Variants in SOX6 observed in about 807,000 individuals in gnomAD.
SOX6 encodes the protein transcription factor SOX-6.
A neutral mutation model predicts 97.8 loss-of-function variants in SOX6; 11 were observed. The observed-to-expected ratio is 0.11, with a 90% CI of 0.07 to 0.19. The LOEUF (loss-of-function observed/expected upper bound fraction) is 0.19, where lower values mean the gene tolerates loss of function less well. SOX6 is among the 10% of genes least tolerant of loss of function. The probability of loss-of-function intolerance (pLI) is 1.00; values close to 1 mark genes in which losing one functional copy is unlikely to be tolerated. For missense variants in SOX6, 810 were observed against 1,039.5 expected (o/e 0.78, Z 3.04); for synonymous variants, 360 against 371.4 (o/e 0.97, Z 0.35).
rs546446592 is a variant in SOX6 at position 16,147,294 on chromosome 11, T to C, written c.778-35371A>G. ...GCATGTTCTCACTCATAGGTGGGAA[T>C]TGAACAATGAGAACACTTGGACACA... On this transcript the variant is annotated intron_variant, in intron 6 of 15. Coordinates refer to ENST00000683767, the MANE Select transcript of SOX6 (RefSeq NM_001367873.1). 2.0e-4 allele frequency among the ~76,000 whole-genome samples: 30 copies of C among 152,108 alleles called. 1 individual carries two copies. The highest frequency in any genetic ancestry group is 3.4e-3 in the Middle Eastern group (1 of 294).
At chr11:16,075,130 G>T (rs1449867741) in intron 9 of SOX6, among the ~76,000 whole-genome samples, 2 of 152,108 alleles carry the variant, frequency 1.3e-5, no homozygotes, top group African/African-American at 4.8e-5. Context: ...CAAGCAATGA[G>T]GAAAGGATTC....
chr11:16,111,985 T>C, intron 6 of SOX6, 62 bp from the exon 7 acceptor site: 1 of 1,605,964 alleles, frequency 6.2e-7, no homozygotes, highest in Non-Finnish European at 8.5e-7. Flanking sequence ...GAAGAATTTG[T>C]TTTTCACTCC....
At chr11:16,709,756 C>A (rs1410605529) in intron 3 of SOX6, among the ~76,000 whole-genome samples, 1 of 152,198 alleles carries the variant, frequency 6.6e-6, no homozygotes, top group Non-Finnish European at 1.5e-5. Flanking sequence ...AACACAGTAA[C>A]TTTCTGTGCT....
chr11:16,168,299 G>T (rs910159661), intron 6 of SOX6, among the ~76,000 whole-genome samples: 1 of 152,088 alleles, frequency 6.6e-6, no homozygotes, highest in African/African-American at 2.4e-5. Flanking sequence ...TCATTTATAA[G>T]AACAGGAAGT....
intron 9 of SOX6, among the ~76,000 whole-genome samples, chr11:16,063,046 A>G (rs957513301): frequency 5.3e-5 from 8 of 151,860 alleles, no homozygotes; most frequent in African/African-American, 1.7e-4. Context: ...ATAAAATTAG[A>G]CAAGTTTTGC....
intron 4 of SOX6, among the ~76,000 whole-genome samples, chr11:16,554,585 G>A (rs985175137): frequency 1.2e-4 from 19 of 152,178 alleles, no homozygotes; most frequent in African/African-American, 4.6e-4. Context: ...CCAAGTCTCT[G>A]TAATGATCTC....
chr11:16,737,712 G>GA (rs902280114), intron 1 of SOX6, among the ~76,000 whole-genome samples: 10 of 152,200 alleles, frequency 6.6e-5, no homozygotes, highest in African/African-American at 2.4e-4. Context: ...GTGATCACTT[G>GA]AATCTGGAGA....
At chr11:16,034,271 C>T (rs1015536388) in intron 12 of SOX6, among the ~76,000 whole-genome samples, 4 of 152,282 alleles carry the variant, frequency 2.6e-5, no homozygotes, top group African/African-American at 4.8e-5. Context: ...AAGGCCATTG[C>T]GCAATGCATT....
chr11:16,724,476 G>A (rs1201926207), intron 2 of SOX6, among the ~76,000 whole-genome samples: 1 of 121,798 alleles, frequency 8.2e-6, no homozygotes, highest in Non-Finnish European at 1.9e-5. Flanking sequence ...CAGAAAGGCT[G>A]TAGGCTTTAA....
At chr11:16,002,595 C>CT (rs201685516) in intron 13 of SOX6, among the ~76,000 whole-genome samples, 4,188 of 152,212 alleles carry the variant, frequency 0.028, 186 homozygotes, top group African/African-American at 0.095. Flanking sequence ...GGCCTACAAG[C>CT]TGTTGAGCCC....
chr11:16,684,352 T>G (rs1185790224), intron 3 of SOX6, among the ~76,000 whole-genome samples: 1 of 151,982 alleles, frequency 6.6e-6, no homozygotes, highest in South Asian at 2.1e-4. Context: ...CAATGATAGA[T>G]GGATTAAGAA....
intron 3 of SOX6, among the ~76,000 whole-genome samples, chr11:16,678,256 T>C (rs1847899267): frequency 6.6e-6 from 1 of 152,206 alleles, no homozygotes; most frequent in Admixed American, 6.5e-5. Flanking sequence ...ATTTGAGAGT[T>C]TTCTTGTTCT....
At chr11:16,142,361 T>C (rs557203954) in intron 6 of SOX6, among the ~76,000 whole-genome samples, 3 of 152,150 alleles carry the variant, frequency 2.0e-5, no homozygotes, top group African/African-American at 7.2e-5. Context: ...TACCTCACCA[T>C]CATCAAAGAC....
intron 3 of SOX6, among the ~76,000 whole-genome samples, chr11:16,682,489 CAT>C (rs1445274254): frequency 2.0e-5 from 3 of 152,202 alleles, no homozygotes; most frequent in Non-Finnish European, 4.4e-5. Flanking sequence ...ACAAAAACCA[CAT>C]GATTATCTCA....
At chr11:16,585,325 T>G (rs1042123249) in intron 4 of SOX6, among the ~76,000 whole-genome samples, 2 of 152,206 alleles carry the variant, frequency 1.3e-5, no homozygotes, top group African/African-American at 4.8e-5. Context: ...TGACACCTAT[T>G]CTTATGTGTG....
intron 14 of SOX6, among the ~76,000 whole-genome samples, chr11:15,987,137 CACTT>C (rs1853872786): frequency 6.6e-6 from 1 of 152,128 alleles, no homozygotes; most frequent in Non-Finnish European, 1.5e-5. Flanking sequence ...ATTATCTAAA[CACTT>C]GATGAAGAGG....
intron 3 of SOX6, among the ~76,000 whole-genome samples, chr11:16,636,537 G>T (rs569186411): frequency 3.9e-5 from 6 of 152,322 alleles, no homozygotes; most frequent in Non-Finnish European, 8.8e-5. Context: ...ATGCTGGAAT[G>T]AGTTAAGATT....
intron 4 of SOX6, among the ~76,000 whole-genome samples, chr11:16,524,614 G>T (rs1007376813): frequency 6.6e-6 from 1 of 151,122 alleles, no homozygotes; most frequent in Non-Finnish European, 1.5e-5. Context: ...TCAACATAGT[G>T]TTGGAAGTTC....
intron 1 of SOX6, among the ~76,000 whole-genome samples, chr11:16,378,966 C>T (rs961223089): frequency 1.3e-5 from 2 of 151,924 alleles, no homozygotes; most frequent in Non-Finnish European, 2.9e-5. Flanking sequence ...TGAATTTCAT[C>T]CTTGCAACAG....
Sources: allele counts gnomAD v4.1 joint callset (sites outside exome capture counted in the v4.1 genomes callset), GRCh38; gene constraint gnomAD v4.1.1; transcripts MANE v1.5; gene names NCBI Gene and HGNC (gene_info 2026-07-23, HGNC 2026-07-21).